The following MALRD1 variants were observed in gnomAD, a reference collection of about 807,000 sequenced individuals.
MALRD1 encodes MAM and LDL-receptor class A domain-containing protein 1.
In MALRD1, 247 loss-of-function variants were observed where a neutral mutation model predicts 242.1. The ratio of observed to expected loss-of-function variants is 1.02; its 90% CI spans 0.92 to 1.13. The LOEUF (loss-of-function observed/expected upper bound fraction) is 1.13, where lower values mean the gene tolerates loss of function less well. Ranked by LOEUF, MALRD1 falls within the 50% of genes most tolerant of loss-of-function variation. The pLI is 0.00. For missense variants in MALRD1, 2,989 were observed against 2,533.1 expected (o/e 1.18, Z -3.86); for synonymous variants, 995 against 866.6 (o/e 1.15, Z -2.60).
chr10:19,518,883 G>A (rs1833755911), intron 31 of MALRD1, among the ~76,000 whole-genome samples: 1 of 152,156 alleles, frequency 6.6e-6, no homozygotes, highest in Non-Finnish European at 1.5e-5. Context: ...AGCACTGCCA[G>A]TGCAACACTA....
chr10:19,150,810 T>C (rs751035851), intron 11 of MALRD1, among the ~76,000 whole-genome samples: 2 of 152,228 alleles, frequency 1.3e-5, no homozygotes, highest in Non-Finnish European at 2.9e-5. Context: ...TAGCTAAATA[T>C]ATTTGATTTG....
At chr10:19,187,957 G>T (rs1835810147) in intron 14 of MALRD1, among the ~76,000 whole-genome samples, 1 of 152,098 alleles carries the variant, frequency 6.6e-6, no homozygotes, top group South Asian at 2.1e-4. Context: ...TAAAATAAAA[G>T]TCGAAATAAA....
intron 14 of MALRD1, among the ~76,000 whole-genome samples, chr10:19,202,609 CTAATT>C: frequency 6.6e-6 from 1 of 151,832 alleles, no homozygotes; most frequent in African/African-American, 2.4e-5. Context: ...TGTTTACTTC[CTAATT>C]TATTTTACAA....
chr10:19,200,508 T>A (rs1022633391), intron 14 of MALRD1, among the ~76,000 whole-genome samples: 3 of 152,146 alleles, frequency 2.0e-5, no homozygotes, highest in African/African-American at 7.2e-5. Context: ...GACTTCTTTT[T>A]TGTACACTTC....
At chr10:19,662,911 T>G (rs1841510768) in intron 36 of MALRD1, among the ~76,000 whole-genome samples, 1 of 152,164 alleles carries the variant, frequency 6.6e-6, no homozygotes, top group Non-Finnish European at 1.5e-5. Context: ...GAAGAGTCCA[T>G]TTTTCATTAA....
chr10:19,137,476 G>A (rs1833386900), intron 10 of MALRD1, among the ~76,000 whole-genome samples: 1 of 151,830 alleles, frequency 6.6e-6, no homozygotes. Context: ...CGTGGTGGTG[G>A]GCACCTGTAA....
intron 36 of MALRD1, among the ~76,000 whole-genome samples, chr10:19,661,194 A>G (rs911459303): frequency 6.6e-6 from 1 of 152,202 alleles, no homozygotes; most frequent in South Asian, 2.1e-4. Flanking sequence ...GTGGGACTGT[A>G]AACTAGTTCA....
rs1449751176 is a variant in MALRD1 at position 19,485,355 on chromosome 10, TAAAG to T, written c.5030-6159_5030-6156del. Among the ~76,000 whole-genome samples, 5 of 152,196 alleles carry T rather than the reference TAAAG, an allele frequency of 3.3e-5. No homozygotes were observed. In the East Asian group the frequency reaches 7.7e-4, roughly 24 times the overall value. On this transcript the variant is annotated intron_variant, in intron 29 of 39. Transcript: ENST00000454679. ...AAAATTAAAAATATTTTTAAAATAA[TAAAG>T]AAGGCCGGGCACGGTGGCTCACGCC...
chr10:19,440,029 C>T (rs539421385), intron 28 of MALRD1, among the ~76,000 whole-genome samples: 5 of 152,270 alleles, frequency 3.3e-5, no homozygotes, highest in Admixed American at 6.5e-5. Context: ...TTTCCTGGGG[C>T]GTACTCATCA....
Position 19,209,416 on chromosome 10 carries a change from A to G in MALRD1, c.2727A>G (p.Gly909=). ...MKDNTLGTAK[G]HYLYIESSEP... ...ATAACACTCTGGGCACAGCTAAAGG[A>G]CACTATCTCTACATAGAATCTTCAG... Residue 909 remains glycine, a synonymous_variant, in exon 18 of 40, where the codon GGA becomes GGG. Coordinates refer to ENST00000454679, the MANE Select transcript of MALRD1 (RefSeq NM_001142308.3). 6.4e-7 allele frequency: 1 copy of G among 1,551,022 alleles called. No individual in the cohort carries two copies.
chr10:19,077,766 A>G (rs563625766), intron 2 of MALRD1, among the ~76,000 whole-genome samples: 3 of 152,046 alleles, frequency 2.0e-5, no homozygotes, highest in African/African-American at 7.2e-5. Context: ...AGACAGGTAC[A>G]GATTTCTTCC....
At chr10:19,300,668 T>C (rs1281927037) in intron 21 of MALRD1, among the ~76,000 whole-genome samples, 4 of 152,006 alleles carry the variant, frequency 2.6e-5, no homozygotes, top group African/African-American at 9.7e-5. Context: ...CACAGAAGAT[T>C]GAAACTGGAC....
chr10:19,692,659 A>G (rs1833133042), intron 38 of MALRD1, 105 bp downstream of exon 38: 2 of 840,864 alleles, frequency 2.4e-6, no homozygotes, highest in Non-Finnish European at 3.6e-6. Context: ...ACATGCAGGA[A>G]ACTTTAGTGT....
intron 18 of MALRD1, among the ~76,000 whole-genome samples, chr10:19,218,863 C>A (rs58827581): frequency 0.1 from 15,185 of 151,954 alleles, 827 homozygotes; most frequent in East Asian, 0.18. Flanking sequence ...AAAATGAAAT[C>A]ATATTATCTT....
At chr10:19,570,430 T>C (rs1014254450) in intron 33 of MALRD1, among the ~76,000 whole-genome samples, 1 of 152,016 alleles carries the variant, frequency 6.6e-6, no homozygotes, top group African/African-American at 2.4e-5. Context: ...TGAAGTAAAC[T>C]CAAATCTACT....
chr10:19,376,066 G>A (rs1239585014), intron 26 of MALRD1, among the ~76,000 whole-genome samples: 4 of 152,180 alleles, frequency 2.6e-5, no homozygotes, highest in African/African-American at 9.7e-5. Flanking sequence ...AGGTTGCAGT[G>A]AGCCAAGATT....
At chr10:19,306,920 C>T (rs1252548188) in intron 21 of MALRD1, among the ~76,000 whole-genome samples, 1 of 151,302 alleles carries the variant, frequency 6.6e-6, no homozygotes, top group Non-Finnish European at 1.5e-5. Flanking sequence ...CAGTCGCCTC[C>T]CACCAGGTCC....
Position 19,341,498 on chromosome 10 carries a change from ATATGTATATATATGTGTG to A in MALRD1, c.3902-6269_3902-6252del, listed in dbSNP as rs1843864127. Reference sequence around the variant, plus strand: ...TATATATATGTGTATATATATGTATATATGTATATATATGTGTGTATATATGTATATATATACACACAT... The same window carrying A: ...TATATATATGTGTATATATATGTATATATATATGTATATATATACACACAT... On this transcript the variant is annotated intron_variant, in intron 24 of 39. Transcript: ENST00000454679. Among the ~76,000 whole-genome samples, 4 of 142,922 alleles carry A rather than the reference ATATGTATATATATGTGTG, an allele frequency of 2.8e-5. No homozygotes were observed. The South Asian group carries it at 8.8e-4, about 32-fold the overall frequency. The allele number at this position is 142,922 out of a possible 152,430, so 93.8% of individuals were successfully genotyped here.
intron 17 of MALRD1, 82 bp from the exon 18 acceptor site, chr10:19,209,186 C>A: frequency 7.9e-7 from 1 of 1,272,576 alleles, no homozygotes; most frequent in Non-Finnish European, 1.0e-6. Flanking sequence ...AACTAGCATT[C>A]TTTAAATATT....
Sources: gnomAD v4.1 joint callset for allele counts (sites outside exome capture counted in the v4.1 genomes callset) on GRCh38, gnomAD v4.1.1 for gene constraint, MANE v1.5 for transcripts, NCBI Gene and HGNC (gene_info 2026-07-23, HGNC 2026-07-21) for gene names.